MDFIC2: variants seen among roughly 807,000 people sequenced by gnomAD.
The protein encoded by MDFIC2 is MyoD family inhibitor domain containing 2, also known as myoD family inhibitor domain-containing protein 2.
chr3:70,287,615 A>G (rs981482382), intron 2 of MDFIC2, among the ~76,000 whole-genome samples: 1 of 152,102 alleles, frequency 6.6e-6, no homozygotes, highest in South Asian at 2.1e-4. Context: ...ATTGATTGGA[A>G]TAGTTTCAGA....
At chr3:70,256,928 G>A (rs1701822031) in intron 2 of MDFIC2, among the ~76,000 whole-genome samples, 1 of 152,154 alleles carries the variant, frequency 6.6e-6, no homozygotes, top group African/African-American at 2.4e-5. Flanking sequence ...CCTGGGAAAT[G>A]GATTATAATT....
At chr3:70,202,985 T>C (rs1044362496) in intron 3 of MDFIC2, among the ~76,000 whole-genome samples, 9 of 152,058 alleles carry the variant, frequency 5.9e-5, no homozygotes, top group Admixed American at 5.9e-4. Flanking sequence ...CAACTTTGGG[T>C]CTTGTCACCT....
chr3:70,214,858 C>T (rs1012575333), intron 2 of MDFIC2, among the ~76,000 whole-genome samples: 3 of 151,788 alleles, frequency 2.0e-5, no homozygotes, highest in Non-Finnish European at 2.9e-5. Flanking sequence ...AAAAGTGTCT[C>T]AAGAAATAAA....
chr3:70,299,390 G>C (rs1702323999), intron 2 of MDFIC2, among the ~76,000 whole-genome samples: 1 of 152,084 alleles, frequency 6.6e-6, no homozygotes, highest in Non-Finnish European at 1.5e-5. Context: ...TGTGGGAATT[G>C]AGAATAATTT....
chr3:70,236,602 C>CT (rs1190655144), intron 2 of MDFIC2, among the ~76,000 whole-genome samples: 2 of 151,476 alleles, frequency 1.3e-5, no homozygotes, highest in African/African-American at 2.4e-5. Flanking sequence ...TACTAGAAAA[C>CT]TTTTTTTTTC....
At chr3:70,274,092 C>T (rs11915741) in intron 2 of MDFIC2, among the ~76,000 whole-genome samples, 112,861 of 138,126 alleles carry the variant, frequency 0.82, 44,456 homozygotes, top group African/African-American at 0.86. Flanking sequence ...TGTGTGTGTG[C>T]GCGCGCGCAT....
At position 70,300,455 on chromosome 3, in the gene MDFIC2, G is replaced by A. The variant is rs147925770; in HGVS notation, c.88+11431C>T. Among the ~76,000 whole-genome samples, 932 of 151,948 alleles carry A rather than the reference G, an allele frequency of 6.1e-3. 12 individuals carry two copies. Among genetic ancestry groups the A allele is most frequent in the African/African-American group, 0.021 (888 of 41,442 alleles). On this transcript the variant is annotated intron_variant, in intron 2 of 3. Coordinates refer to ENST00000567252, the MANE Select transcript of MDFIC2 (RefSeq NM_001364677.1). ...ATCCAATAAAAATATAGTTAGAAGGGCATAGAGACAGATAGAGTTAGATAT... is the reference window on the plus strand; with the variant it reads ...ATCCAATAAAAATATAGTTAGAAGGACATAGAGACAGATAGAGTTAGATAT...
chr3:70,218,998 A>G (rs1262181634), intron 2 of MDFIC2, among the ~76,000 whole-genome samples: 1 of 152,164 alleles, frequency 6.6e-6, no homozygotes, highest in Admixed American at 6.5e-5. Context: ...TTCAAGAAAA[A>G]AAAAGTCCCC....
At chr3:70,270,597 C>A (rs557053685) in intron 2 of MDFIC2, among the ~76,000 whole-genome samples, 1 of 152,274 alleles carries the variant, frequency 6.6e-6, no homozygotes, top group South Asian at 2.1e-4. Flanking sequence ...AATTTCACAG[C>A]TGGCCAGGGT....
At chr3:70,230,679 A>T (rs975841341) in intron 2 of MDFIC2, among the ~76,000 whole-genome samples, 1 of 152,172 alleles carries the variant, frequency 6.6e-6, no homozygotes, top group Non-Finnish European at 1.5e-5. Flanking sequence ...TTGATAATCA[A>T]TTCTAGGTTT....
intron 2 of MDFIC2, among the ~76,000 whole-genome samples, chr3:70,226,541 C>A (rs1251025306): frequency 6.6e-6 from 1 of 151,882 alleles, no homozygotes; most frequent in Non-Finnish European, 1.5e-5. Flanking sequence ...AGTTCGAGAC[C>A]AGCCTTGCCA....
chr3:70,225,637 A>G (rs1701497322), intron 2 of MDFIC2, among the ~76,000 whole-genome samples: 1 of 152,212 alleles, frequency 6.6e-6, no homozygotes, highest in Non-Finnish European at 1.5e-5. Context: ...AGTTCTCTAA[A>G]CACATTCACA....
chr3:70,215,210 G>A (rs1281771201), intron 2 of MDFIC2, among the ~76,000 whole-genome samples: 1 of 152,088 alleles, frequency 6.6e-6, no homozygotes, highest in Non-Finnish European at 1.5e-5. Flanking sequence ...CATGAATGAG[G>A]AAACTGATAG....
chr3:70,303,173 C>G (rs1702366529), intron 2 of MDFIC2, among the ~76,000 whole-genome samples: 1 of 152,120 alleles, frequency 6.6e-6, no homozygotes, highest in Non-Finnish European at 1.5e-5. Context: ...TGGGTCATTG[C>G]TACTGGCTCT....
chr3:70,301,499 C>T (rs1298113784), intron 2 of MDFIC2, among the ~76,000 whole-genome samples: 1 of 152,066 alleles, frequency 6.6e-6, no homozygotes, highest in Non-Finnish European at 1.5e-5. Flanking sequence ...ATGGGAATCT[C>T]TGTGTATTCC....
intron 2 of MDFIC2, among the ~76,000 whole-genome samples, chr3:70,307,725 C>T (rs1301820078): frequency 6.6e-6 from 1 of 152,122 alleles, no homozygotes; most frequent in Non-Finnish European, 1.5e-5. Context: ...TATTTACAGG[C>T]TCATATCACA....
intron 3 of MDFIC2, among the ~76,000 whole-genome samples, chr3:70,201,895 T>A (rs1035708913): frequency 2.0e-5 from 3 of 152,216 alleles, no homozygotes; most frequent in African/African-American, 7.2e-5. Flanking sequence ...AACTGGAACC[T>A]GCAAGATGGG....
intron 1 of MDFIC2, 100 bp downstream of exon 1, chr3:70,312,451 G>T (rs1309325889): frequency 6.6e-6 from 1 of 152,252 alleles, no homozygotes; most frequent in Non-Finnish European, 1.5e-5. Context: ...CTCCCTGAAG[G>T]TGTTGACGAG....
At chr3:70,309,193 T>C (rs1575622330) in intron 2 of MDFIC2, among the ~76,000 whole-genome samples, 1 of 152,074 alleles carries the variant, frequency 6.6e-6, no homozygotes, top group Non-Finnish European at 1.5e-5. Flanking sequence ...AAGACCGAGG[T>C]TGGAGATTCA....
Sources: allele counts gnomAD v4.1 joint callset (sites outside exome capture counted in the v4.1 genomes callset), GRCh38; gene constraint gnomAD v4.1.1; transcripts MANE v1.5; gene names NCBI Gene and HGNC (gene_info 2026-07-23, HGNC 2026-07-21).